C21orf58: variants seen among roughly 807,000 people sequenced by gnomAD.
C21orf58 encodes the protein uncharacterized protein C21orf58.
In C21orf58, 34 loss-of-function variants were observed where a neutral mutation model predicts 35.8. The ratio of observed to expected loss-of-function variants is 0.95; its 90% confidence interval spans 0.72 to 1.26. The LOEUF is 1.26. Ranked by LOEUF, C21orf58 falls within the 50% of genes most tolerant of loss-of-function variation. The probability of loss-of-function intolerance (pLI) is 0.00; values close to 1 mark genes in which losing one functional copy is unlikely to be tolerated. For missense variants in C21orf58, 440 were observed against 414.3 expected, an observed-to-expected ratio of 1.06 and a Z score of -0.54; for synonymous variants, 191 against 175.8, an observed-to-expected ratio of 1.09 and a Z score of -0.68.
In C21orf58 at chr21:46,301,551, C is replaced by T. The variant is rs2082109006; in HGVS notation, c.*448G>A. 3.0e-6 allele frequency: 3 copies of T among 989,356 alleles called. No individual in the cohort carries two copies. The African/African-American group carries it at 5.2e-5, about 17-fold the overall frequency. 61.3% of individuals were successfully genotyped at this position (989,356 alleles called of 1,614,324 possible). A position where few individuals can be genotyped will look rare whatever the true frequency, so the allele number is the denominator to read the frequency against. ...TCAGGATGTTCACACTTCCATGTGGCTAAAGCTATTGATCTTTTCTGTTCT... is the reference window on the plus strand; with the variant it reads ...TCAGGATGTTCACACTTCCATGTGGTTAAAGCTATTGATCTTTTCTGTTCT... On this transcript the variant is annotated 3_prime_UTR_variant, in exon 8 of 8. Coordinates refer to ENST00000291691, the MANE Select transcript of C21orf58 (RefSeq NM_058180.5).
At chr21:46,306,499 G>A (rs144196735) in intron 6 of C21orf58, among the ~76,000 whole-genome samples, 209 of 149,410 alleles carry the variant, frequency 1.4e-3, no homozygotes, top group African/African-American at 5.0e-3. Context: ...CTCCCATCTC[G>A]AAAAAAAAAA....
chr21:46,322,653 T>TG lies in C21orf58; in HGVS notation c.85dup (p.His29ProfsTer12). 1 of 1,591,364 alleles carries TG rather than the reference T, an allele frequency of 6.3e-7. No individual in the cohort carries two copies. Among genetic ancestry groups the TG allele is most frequent in the Non-Finnish European group, 8.6e-7 (1 of 1,168,708 alleles). On this transcript the variant is annotated frameshift_variant, in exon 1 of 8. Coordinates refer to ENST00000291691, the MANE Select transcript of C21orf58 (RefSeq NM_058180.5). LOFTEE classifies it high-confidence loss of function. Reference sequence around the variant, plus strand: ...ACCCCGCTCACCACACAGAAGACTGTGGCCTGAGTCAGGAGAAGGAAGTTT... The same window carrying TG: ...ACCCCGCTCACCACACAGAAGACTGTGGGCCTGAGTCAGGAGAAGGAAGTTT...
At chr21:46,310,438 C>T (rs957406362) in intron 6 of C21orf58, among the ~76,000 whole-genome samples, 14 of 150,850 alleles carry the variant, frequency 9.3e-5, no homozygotes, top group African/African-American at 3.2e-4. Context: ...AAGATGGCGC[C>T]ATTGCACTCC....
In C21orf58 at chr21:46,318,190, G is replaced by T; in HGVS notation, c.131C>A (p.Ala44Glu). The T allele has an allele frequency of 6.2e-7, 1 of 1,612,800 alleles. No individual in the cohort carries two copies. The highest frequency in any genetic ancestry group is 8.5e-7 in the Non-Finnish European group (1 of 1,180,026). The change falls in exon 2 of 8, where the codon GCA (alanine) becomes GAA (glutamate). Residue 44 changes from alanine to glutamate, a missense_variant. Ala to Glu is a moderately radical substitution (Grantham distance 107). Transcript: ENST00000291691. ...GWSPGGKARP[A>E]GNTGAWAPAE... ...AGGAGCCCAAGCACCGGTGTTGCCT[G>T]CAGGGCGGGCCTTACCTCCTGGAGA...
Position 46,302,500 on chromosome 21 carries a change from C to T in C21orf58, c.798G>A (p.Leu266=). The T allele has an allele frequency of 6.2e-7, 1 of 1,611,224 alleles. No individual in the cohort carries two copies. The highest frequency in any genetic ancestry group is 8.5e-7 in the Non-Finnish European group (1 of 1,178,534). Residue 266 remains leucine, a synonymous_variant, in exon 7 of 8, where the codon CTG becomes CTA. Coordinates refer to ENST00000291691, the MANE Select transcript of C21orf58 (RefSeq NM_058180.5). ...CTAAGCCTACCTGCAGGGCTGGGGG[C>T]AGGGCCTTGAGCATCCAGTTCTGCA... The part of the protein sequence containing the change: ...LVLQNWMLKA[L]PPALQDPPHV...
At chr21:46,308,589 G>T (rs924927051) in intron 6 of C21orf58, among the ~76,000 whole-genome samples, 1 of 152,164 alleles carries the variant, frequency 6.6e-6, no homozygotes, top group African/African-American at 2.4e-5. Flanking sequence ...TTGGCCATAA[G>T]CGAAAACAAG....
chr21:46,302,260 G>A, intron 7 of C21orf58, 106 bp from the exon 8 acceptor site: 3 of 1,425,846 alleles, frequency 2.1e-6, no homozygotes, highest in Non-Finnish European at 9.2e-7. Flanking sequence ...AGGCAGGATG[G>A]CAGGGTCTAA....
chr21:46,301,600 A>C lies in C21orf58; in HGVS notation c.*399T>G, dbSNP rs984488071. ...CTGGCTCCTGAGCTGAGATTTTCTT[A>C]AACTCTTTCTGGATGAAATCTTTAT... On this transcript the variant is annotated 3_prime_UTR_variant, in exon 8 of 8. Transcript: ENST00000291691. 9 of 1,009,904 alleles carry C rather than the reference A, an allele frequency of 8.9e-6. No homozygotes were observed. In the African/African-American group the frequency reaches 1.4e-4, roughly 15 times the overall value. 62.6% of individuals were successfully genotyped at this position (1,009,904 alleles called of 1,614,324 possible). A position where few individuals can be genotyped will look rare whatever the true frequency, so the allele number is the denominator to read the frequency against.
chr21:46,318,741 G>GTCACAGA, intron 1 of C21orf58: 1 of 998,538 alleles, frequency 1.0e-6, no homozygotes, highest in Non-Finnish European at 1.2e-6. Flanking sequence ...AGAGGGGCTG[G>GTCACAGA]GCTTTAGCAG....
At position 46,302,110 on chromosome 21, in the gene C21orf58, TG is replaced by T. The variant is rs762493301; in HGVS notation, c.857del (p.Pro286GlnfsTer113). The T allele has an allele frequency of 2.9e-5, 44 of 1,525,678 alleles. No homozygotes were observed. Among genetic ancestry groups the T allele is most frequent in the Non-Finnish European group, 3.7e-5 (42 of 1,136,332 alleles). The allele number at this position is 1,525,678 out of a possible 1,614,324, so 94.5% of individuals were successfully genotyped here. ...GGTGGTGGTGCACGGCAGGCAGCCT[TG>T]GCCTGGCAGCTCGTGGGACCCTCGG... ...VPPRVPRAAR[P>X]RLPAVHHHHH... On this transcript the variant is annotated frameshift_variant, in exon 8 of 8. Transcript: ENST00000291691. LOFTEE classifies it low-confidence loss of function (END_TRUNC).
At chr21:46,300,786 G>C (rs1339752172), downstream of C21orf58, 8 of 1,289,226 alleles carry the variant, frequency 6.2e-6, no homozygotes, top group Non-Finnish European at 7.1e-6. Flanking sequence ...AGGAATGAAA[G>C]AATCTGTCCT....
intron 2 of C21orf58, 86 bp downstream of exon 2, chr21:46,317,926 G>C: frequency 1.7e-5 from 25 of 1,439,670 alleles, no homozygotes; most frequent in Non-Finnish European, 2.4e-5. Flanking sequence ...CCTGCATTCT[G>C]CACCTGCAGG....
intron 1 of C21orf58, among the ~76,000 whole-genome samples, chr21:46,321,028 A>G (rs545603662): frequency 4.6e-5 from 7 of 152,204 alleles, no homozygotes; most frequent in African/African-American, 1.7e-4. Flanking sequence ...TGGATTTGTC[A>G]GACTTTTTTT....
intron 6 of C21orf58, among the ~76,000 whole-genome samples, chr21:46,306,267 G>C (rs1297321364): frequency 6.6e-6 from 1 of 152,156 alleles, no homozygotes; most frequent in Non-Finnish European, 1.5e-5. Flanking sequence ...CCAGCACTTT[G>C]GGAGGCTGAG....
intron 1 of C21orf58, chr21:46,320,501 T>A (rs9647243): frequency 0.18 from 20,749 of 114,074 alleles, 1,887 homozygotes; most frequent in Middle Eastern, 0.31. Context: ...AACAAGAGTG[T>A]AACTCCACCT....
At chr21:46,317,404 C>A (rs914712915) in intron 2 of C21orf58, 136 bp from the exon 3 acceptor site, 165 of 1,483,832 alleles carry the variant, frequency 1.1e-4, no homozygotes, top group Non-Finnish European at 1.4e-4. Context: ...GGCCAACAGG[C>A]GGGAGTCAAG....
intron 3 of C21orf58, among the ~76,000 whole-genome samples, chr21:46,316,248 G>C (rs2082973893): frequency 6.6e-6 from 1 of 152,120 alleles, no homozygotes. Flanking sequence ...TTCAGGCCGG[G>C]AGTTTGAGAC....
Position 46,302,133 on chromosome 21 carries a change from T to G in C21orf58, c.835A>C (p.Arg279=). 1 of 1,510,262 alleles carries G rather than the reference T, an allele frequency of 6.6e-7. No homozygotes were observed. Among genetic ancestry groups the G allele is most frequent in the Non-Finnish European group, 8.9e-7 (1 of 1,128,436 alleles). 93.6% of individuals were successfully genotyped at this position (1,510,262 alleles called of 1,614,324 possible). A position where few individuals can be genotyped will look rare whatever the true frequency, so the allele number is the denominator to read the frequency against. Reference sequence around the variant, plus strand: ...CTTGGCCTGGCAGCTCGTGGGACCCTCGGGGGCACATGTGGCGGGTCCTGC... The same window carrying G: ...CTTGGCCTGGCAGCTCGTGGGACCCGCGGGGGCACATGTGGCGGGTCCTGC... ...ALQDPPHVPP[R]VPRAARPRLP... Residue 279 remains arginine (R), a synonymous_variant, in exon 8 of 8, where the codon AGG becomes CGG. Transcript: ENST00000291691.
In C21orf58 at chr21:46,317,465, A is replaced by G. The variant is rs796117481; in HGVS notation, c.310-197T>C. 64 of 833,608 alleles carry G rather than the reference A, an allele frequency of 7.7e-5. No individual in the cohort carries two copies. In the African/African-American group the frequency reaches 1.0e-3, roughly 14 times the overall value. The allele number at this position is 833,608 out of a possible 1,614,324, so 51.6% of individuals were successfully genotyped here. ...CCTCTGTAAGCCTGACCTCTAGCAAATTCATGTGTTCCATCCACAAGTCTA... is the reference window on the plus strand; with the variant it reads ...CCTCTGTAAGCCTGACCTCTAGCAAGTTCATGTGTTCCATCCACAAGTCTA... On this transcript the variant is annotated intron_variant, in intron 2 of 7. Transcript: ENST00000291691.
Sources: allele counts gnomAD v4.1 joint callset (sites outside exome capture counted in the v4.1 genomes callset), GRCh38; gene constraint gnomAD v4.1.1; transcripts MANE v1.5; gene names NCBI Gene and HGNC (gene_info 2026-07-23, HGNC 2026-07-21).